The following CEBPA variants were observed in gnomAD, a reference collection of about 807,000 sequenced individuals.
CEBPA encodes CCAAT enhancer binding protein alpha.
CEBPA carries 2 observed loss-of-function variants against 5.1 expected under a neutral mutation model. The observed-to-expected ratio is 0.39, with a 90% CI of 0.16 to 1.23. The LOEUF (loss-of-function observed/expected upper bound fraction) is 1.23. Among genes scored for constraint, CEBPA ranks in the 50% most tolerant of loss-of-function variants. CEBPA has a pLI of 0.34. For synonymous variants in CEBPA, 275 were observed against 264.1 expected, an observed-to-expected ratio of 1.04 and a Z score of -0.40; for missense variants, 455 against 537.4, an observed-to-expected ratio of 0.85 and a Z score of 1.52.
In CEBPA at chr19:33,300,816, C is replaced by T. The variant is rs1037748421; in HGVS notation, c.*522G>A. 8.2e-6 allele frequency: 2 copies of T among 244,266 alleles called. No individual in the cohort carries two copies. Among genetic ancestry groups the T allele is most frequent in the Non-Finnish European group, 1.6e-5 (2 of 123,418 alleles). The allele number at this position is 244,266 out of a possible 1,614,324, so 15.1% of individuals were successfully genotyped here. A position where few individuals can be genotyped will look rare whatever the true frequency, so the allele number is the denominator to read the frequency against. ...AACCTTAGGTTCCAAGCCCCAAGTC[C>T]CTATGTTTCCACCCCTTTCTAAGGA... is the stretch of plus-strand genomic sequence containing the variant. On this transcript the variant is annotated 3_prime_UTR_variant, in exon 1 of 1. Transcript: ENST00000498907.
At position 33,301,994 on chromosome 19, in the gene CEBPA, C is replaced by T. The variant is rs1408671093; in HGVS notation, c.421G>A (p.Gly141Ser). 2.5e-6 allele frequency: 3 copies of T among 1,191,248 alleles called. No homozygotes were observed. The highest frequency in any genetic ancestry group is 3.1e-6 in the Non-Finnish European group (3 of 960,410). The allele number at this position is 1,191,248 out of a possible 1,614,324, so 73.8% of individuals were successfully genotyped here. ...CGCTCGTACAGGGGCTCCAGCCTGC[C>T]GTCCAGGTAGCCGGCGGCCGCGCAG... Reference protein sequence around the residue: ...YGCAAAGYLDGRLEPLYERVG... With the variant: ...YGCAAAGYLDSRLEPLYERVG... Residue 141 changes from glycine (G) to serine (S), a missense_variant, in exon 1 of 1, where the codon GGC (glycine) becomes AGC (serine). Transcript: ENST00000498907. This position sits in a 1 kb window ranked among gnomAD's most constrained non-coding sequence, Gnocchi z 6.0.
Position 33,301,525 on chromosome 19 carries a change from C to T in CEBPA, c.890G>A (p.Arg297His), listed in dbSNP as rs1600021258. The T allele has an allele frequency of 1.2e-6, 2 of 1,613,492 alleles. No individual in the cohort carries two copies. Among genetic ancestry groups the T allele is most frequent in the East Asian group, 2.2e-5 (1 of 44,858 alleles). ...VRRERNNIAV[R>H]KSRDKAKQRN... ...CTGCTTGGCCTTGTCGCGGCTCTTG[C>T]GCACCGCGATGTTGTTGCGCTCGCG... The change falls in exon 1 of 1, where the codon CGC becomes CAC. Residue 297 changes from arginine (R) to histidine (H), a missense_variant. Transcript: ENST00000498907. This position sits in a 1 kb window ranked among gnomAD's most constrained non-coding sequence, Gnocchi z 6.0.
At position 33,300,656 on chromosome 19, in the gene CEBPA, G is replaced by C. The variant is rs1600019152; in HGVS notation, c.*682C>G. The C allele has an allele frequency of 4.3e-6, 1 of 233,514 alleles. No homozygotes were observed. Among genetic ancestry groups the C allele is most frequent in the Admixed American group, 5.6e-5 (1 of 17,794 alleles). The allele number at this position is 233,514 out of a possible 1,614,324, so 14.5% of individuals were successfully genotyped here. A position where few individuals can be genotyped will look rare whatever the true frequency, so the allele number is the denominator to read the frequency against. ...GGGTGGGGGCTCCCACTGGTCACCT[G>C]GTGACCCCCATCGCAGTGAGTTCCG... On this transcript the variant is annotated 3_prime_UTR_variant, in exon 1 of 1. Transcript: ENST00000498907.
In CEBPA at chr19:33,302,033, G is replaced by A. The variant is rs1362518517; in HGVS notation, c.382C>T (p.Pro128Ser). The A allele has an allele frequency of 5.9e-6, 7 of 1,184,892 alleles. No individual in the cohort carries two copies. The highest frequency in any genetic ancestry group is 7.3e-6 in the Non-Finnish European group (7 of 955,654). 73.4% of individuals were successfully genotyped at this position (1,184,892 alleles called of 1,614,324 possible). Reference sequence around the variant, plus strand: ...GCGGCCGCGCAGCCGTAGCCGGGCGGGGGCCCGTGCGCTCCCCCGGGCATG... The same window carrying A: ...GCGGCCGCGCAGCCGTAGCCGGGCGAGGGCCCGTGCGCTCCCCCGGGCATG... ...AVMPGGAHGPPPGYGCAAAGY... is the reference protein window; with the variant it reads ...AVMPGGAHGPSPGYGCAAAGY... Residue 128 changes from proline to serine, a missense_variant, in exon 1 of 1, where the codon CCG (proline) becomes TCG (serine). Coordinates refer to ENST00000498907, the MANE Select transcript of CEBPA (RefSeq NM_004364.5).
At position 33,301,506 on chromosome 19, in the gene CEBPA, G is replaced by A. The variant is rs371444741; in HGVS notation, c.909C>T (p.Ala303=). ...GCTGCGTCTCCACGTTGCGCTGCTT[G>A]GCCTTGTCGCGGCTCTTGCGCACCG... ...NIAVRKSRDK[A]KQRNVETQQK... The change falls in exon 1 of 1, where the codon GCC becomes GCT. Residue 303 remains alanine, a synonymous_variant. Transcript: ENST00000498907. This position sits in a 1 kb window ranked among gnomAD's most constrained non-coding sequence, Gnocchi z 6.0. The A allele has an allele frequency of 3.1e-6, 5 of 1,613,652 alleles. No individual in the cohort carries two copies. In the African/African-American group the frequency reaches 6.7e-5, roughly 21 times the overall value.
At position 33,301,548 on chromosome 19, in the gene CEBPA, G is replaced by A. The variant is rs1285276568; in HGVS notation, c.867C>T (p.Arg289=). The A allele has an allele frequency of 6.2e-7, 1 of 1,613,242 alleles. No homozygotes were observed. Among genetic ancestry groups the A allele is most frequent in the Admixed American group, 1.7e-5 (1 of 60,014 alleles). Reference sequence around the variant, plus strand: ...TGCGCACCGCGATGTTGTTGCGCTCGCGCCGCACCCGGTACTCGTTGCTGT... The same window carrying A: ...TGCGCACCGCGATGTTGTTGCGCTCACGCCGCACCCGGTACTCGTTGCTGT... ...DKNSNEYRVR[R]ERNNIAVRKS... Residue 289 remains arginine, a synonymous_variant, in exon 1 of 1, where the codon CGC becomes CGT. Coordinates refer to ENST00000498907, the MANE Select transcript of CEBPA (RefSeq NM_004364.5). The surrounding 1 kb of genome is among the most constrained non-coding windows in gnomAD (Gnocchi z 6.0).
Position 33,301,473 on chromosome 19 carries a change from C to A in CEBPA, c.942G>T (p.Val314=), listed in dbSNP as rs377329266. Reference sequence around the variant, plus strand: ...GGTCATTGTCACTGGTCAGCTCCAGCACCTTCTGCTGCGTCTCCACGTTGC... The same window carrying A: ...GGTCATTGTCACTGGTCAGCTCCAGAACCTTCTGCTGCGTCTCCACGTTGC... ...KQRNVETQQK[V]LELTSDNDRL... The change falls in exon 1 of 1, where the codon GTG becomes GTT. Residue 314 remains valine, a synonymous_variant. Coordinates refer to ENST00000498907, the MANE Select transcript of CEBPA (RefSeq NM_004364.5). This position sits in a 1 kb window ranked among gnomAD's most constrained non-coding sequence, Gnocchi z 6.0. 1.9e-5 allele frequency: 30 copies of A among 1,613,418 alleles called. No individual in the cohort carries two copies. The African/African-American group carries it at 3.5e-4, about 19-fold the overall frequency.
In CEBPA at chr19:33,301,174, G is replaced by T; in HGVS notation, c.*164C>A. On this transcript the variant is annotated 3_prime_UTR_variant, in exon 1 of 1. Coordinates refer to ENST00000498907, the MANE Select transcript of CEBPA (RefSeq NM_004364.5). The surrounding 1 kb of genome is among the most constrained non-coding windows in gnomAD (Gnocchi z 6.0). ...TCTTAGACGCACCAAGTCCGGCGCA[G>T]AGGAAGGGAGGGGACACGCGGAGCA... 1 of 1,230,860 alleles carries T rather than the reference G, an allele frequency of 8.1e-7. No homozygotes were observed. Among genetic ancestry groups the T allele is most frequent in the Non-Finnish European group, 1.1e-6 (1 of 912,908 alleles). The allele number at this position is 1,230,860 out of a possible 1,614,324, so 76.2% of individuals were successfully genotyped here.
chr19:33,300,098 T>G lies in CEBPA; in HGVS notation c.*1240A>C, dbSNP rs780450509. Reference sequence around the variant, plus strand: ...CTTCCCGACCAGGAGCCAGGGCCTCTGGGGGACAAGCCTTGTGGGCAGCCC... The same window carrying G: ...CTTCCCGACCAGGAGCCAGGGCCTCGGGGGGACAAGCCTTGTGGGCAGCCC... On this transcript the variant is annotated 3_prime_UTR_variant, in exon 1 of 1. Coordinates refer to ENST00000498907, the MANE Select transcript of CEBPA (RefSeq NM_004364.5). 2.6e-5 allele frequency: 6 copies of G among 233,230 alleles called. No homozygotes were observed. Among genetic ancestry groups the G allele is most frequent in the Non-Finnish European group, 5.1e-5 (6 of 118,070 alleles). The allele number at this position is 233,230 out of a possible 1,614,324, so 14.4% of individuals were successfully genotyped here.
In CEBPA at chr19:33,300,221, G is replaced by A. The variant is rs12691; in HGVS notation, c.*1117C>T. 0.15 allele frequency: 34,144 copies of A among 233,458 alleles called. 3,048 individuals are homozygous for A. Among genetic ancestry groups the A allele is most frequent in the African/African-American group, 0.25 (11,537 of 45,374 alleles). The allele number at this position is 233,458 out of a possible 1,614,324, so 14.5% of individuals were successfully genotyped here. A position where few individuals can be genotyped will look rare whatever the true frequency, so the allele number is the denominator to read the frequency against. ...AGTAATCCCAAAACCAAAAGGAAAG[G>A]GAGTCTCAGACCCTTCCCCCAGCTG... is the stretch of plus-strand genomic sequence containing the variant. On this transcript the variant is annotated 3_prime_UTR_variant, in exon 1 of 1. Coordinates refer to ENST00000498907, the MANE Select transcript of CEBPA (RefSeq NM_004364.5).
chr19:33,302,471 G>C lies in CEBPA; in HGVS notation c.-57C>G, dbSNP rs949476637. 2.2e-5 allele frequency: 25 copies of C among 1,151,532 alleles called. No homozygotes were observed. The African/African-American group carries it at 3.2e-4, about 15-fold the overall frequency. The allele number at this position is 1,151,532 out of a possible 1,614,324, so 71.3% of individuals were successfully genotyped here. A position where few individuals can be genotyped will look rare whatever the true frequency, so the allele number is the denominator to read the frequency against. On this transcript the variant is annotated 5_prime_UTR_variant, in exon 1 of 1. Coordinates refer to ENST00000498907, the MANE Select transcript of CEBPA (RefSeq NM_004364.5). ...CCTCGGCGGCCTCCAGCCTGCGCGG[G>C]GCGTCGCCGCCGCCCACCCGGAGAC...
In CEBPA at chr19:33,302,291, G is replaced by A. The variant is rs1382321984; in HGVS notation, c.124C>T (p.Pro42Ser). 9 of 1,471,106 alleles carry A rather than the reference G, an allele frequency of 6.1e-6. No individual in the cohort carries two copies. The highest frequency in any genetic ancestry group is 8.1e-6 in the Non-Finnish European group (9 of 1,106,828). 91.1% of individuals were successfully genotyped at this position (1,471,106 alleles called of 1,614,324 possible). A position where few individuals can be genotyped will look rare whatever the true frequency, so the allele number is the denominator to read the frequency against. ...GFPRGAGPAQ[P>S]PAPPAAPEPL... ...TCCGGGGCGGCAGGTGGGGCGGGAG[G>A]CTGCGCGGGGCCCGCGCCCCGGGGA... The change falls in exon 1 of 1, where the codon CCT (proline) becomes TCT (serine). Residue 42 changes from proline to serine, a missense_variant. Transcript: ENST00000498907.
Position 33,301,156 on chromosome 19 carries a change from C to G in CEBPA, c.*182G>C, listed in dbSNP as rs1029737765. ...CACCGCCTGGCCCCCTCATCTTAGACGCACCAAGTCCGGCGCAGAGGAAGG... is the reference window on the plus strand; with the variant it reads ...CACCGCCTGGCCCCCTCATCTTAGAGGCACCAAGTCCGGCGCAGAGGAAGG... On this transcript the variant is annotated 3_prime_UTR_variant, in exon 1 of 1. Transcript: ENST00000498907. This position sits in a 1 kb window ranked among gnomAD's most constrained non-coding sequence, Gnocchi z 6.0. 1.0e-5 allele frequency: 11 copies of G among 1,075,388 alleles called. No homozygotes were observed. The highest frequency in any genetic ancestry group is 1.4e-5 in the Non-Finnish European group (11 of 771,820). The allele number at this position is 1,075,388 out of a possible 1,614,324, so 66.6% of individuals were successfully genotyped here. A position where few individuals can be genotyped will look rare whatever the true frequency, so the allele number is the denominator to read the frequency against.
Position 33,300,416 on chromosome 19 carries a change from G to A in CEBPA, c.*922C>T. ...ATCGGCTGATAAAGCAAAATATTTG[G>A]AAAGCTTGTCATAACTCCGGTCCCT... is the stretch of plus-strand genomic sequence containing the variant. On this transcript the variant is annotated 3_prime_UTR_variant, in exon 1 of 1. Transcript: ENST00000498907. 4.3e-6 allele frequency: 1 copy of A among 233,294 alleles called. No individual in the cohort carries two copies. The highest frequency in any genetic ancestry group is 8.5e-6 in the Non-Finnish European group (1 of 117,962). 14.5% of individuals were successfully genotyped at this position (233,294 alleles called of 1,614,324 possible). A position where few individuals can be genotyped will look rare whatever the true frequency, so the allele number is the denominator to read the frequency against.
chr19:33,300,330 C>G lies in CEBPA; in HGVS notation c.*1008G>C, dbSNP rs906813267. The G allele has an allele frequency of 8.6e-6, 2 of 233,670 alleles. No homozygotes were observed. The highest frequency in any genetic ancestry group is 3.6e-4 in the South Asian group (2 of 5,540). The allele number at this position is 233,670 out of a possible 1,614,324, so 14.5% of individuals were successfully genotyped here. The stretch of plus-strand genomic sequence containing the variant: ...AAATAAAATGGTGGTTTAGCAGAGA[C>G]GCGCACATTCACATTGCACAAGGCA... On this transcript the variant is annotated 3_prime_UTR_variant, in exon 1 of 1. Transcript: ENST00000498907.
Position 33,301,248 on chromosome 19 carries a change from G to C in CEBPA, c.*90C>G, listed in dbSNP as rs1177370175. ...GAATCTCCTAGTCCTGGCTCGCACG[G>C]CTCGGGCAAGCCTCGAGATCCGGCG... On this transcript the variant is annotated 3_prime_UTR_variant, in exon 1 of 1. Coordinates refer to ENST00000498907, the MANE Select transcript of CEBPA (RefSeq NM_004364.5). The surrounding 1 kb of genome is among the most constrained non-coding windows in gnomAD (Gnocchi z 6.0). The C allele has an allele frequency of 1.4e-6, 2 of 1,480,730 alleles. No homozygotes were observed. Among genetic ancestry groups the C allele is most frequent in the Non-Finnish European group, 1.8e-6 (2 of 1,118,772 alleles). The allele number at this position is 1,480,730 out of a possible 1,614,324, so 91.7% of individuals were successfully genotyped here.
At position 33,301,125 on chromosome 19, in the gene CEBPA, A is replaced by G; in HGVS notation, c.*213T>C. ...CAAGAATTCTCCCCTCCTCGCAGGG[A>G]GAAGCCACCGCCTGGCCCCCTCATC... is the stretch of plus-strand genomic sequence containing the variant. On this transcript the variant is annotated 3_prime_UTR_variant, in exon 1 of 1. Coordinates refer to ENST00000498907, the MANE Select transcript of CEBPA (RefSeq NM_004364.5). This position sits in a 1 kb window ranked among gnomAD's most constrained non-coding sequence, Gnocchi z 6.0. The G allele has an allele frequency of 1.3e-6, 1 of 774,458 alleles. No individual in the cohort carries two copies. The highest frequency in any genetic ancestry group is 2.0e-6 in the Non-Finnish European group (1 of 499,058). 48.0% of individuals were successfully genotyped at this position (774,458 alleles called of 1,614,324 possible).
chr19:33,301,693 AGCGCGG>A lies in CEBPA; in HGVS notation c.716_721del (p.Pro239_Ala240del). ...AGGGCCCGGCAGGCCGGCGGCACCGAGCGCGGGCGCGGGGTGCGGGCTGGGCACGGG... is the reference window on the plus strand; with the variant it reads ...AGGGCCCGGCAGGCCGGCGGCACCGAGCGCGGGGTGCGGGCTGGGCACGGG... On this transcript the variant is annotated inframe_deletion, in exon 1 of 1. Coordinates refer to ENST00000498907, the MANE Select transcript of CEBPA (RefSeq NM_004364.5). This position sits in a 1 kb window ranked among gnomAD's most constrained non-coding sequence, Gnocchi z 6.0. The A allele has an allele frequency of 1.7e-6, 2 of 1,167,602 alleles. No individual in the cohort carries two copies. The highest frequency in any genetic ancestry group is 2.1e-6 in the Non-Finnish European group (2 of 950,270). 72.3% of individuals were successfully genotyped at this position (1,167,602 alleles called of 1,614,324 possible). A position where few individuals can be genotyped will look rare whatever the true frequency, so the allele number is the denominator to read the frequency against.
chr19:33,302,058 G>T lies in CEBPA; in HGVS notation c.357C>A (p.Val119=). The T allele has an allele frequency of 8.2e-7, 1 of 1,214,700 alleles. No individual in the cohort carries two copies. The highest frequency in any genetic ancestry group is 3.9e-5 in the South Asian group (1 of 25,774). 75.2% of individuals were successfully genotyped at this position (1,214,700 alleles called of 1,614,324 possible). ...PGAPAGPGGA[V]MPGGAHGPPP... ...GGGGCCCGTGCGCTCCCCCGGGCATGACGGCGCCGCCGGGGCCCGCGGGCG... is the reference window on the plus strand; with the variant it reads ...GGGGCCCGTGCGCTCCCCCGGGCATTACGGCGCCGCCGGGGCCCGCGGGCG... Residue 119 remains valine (V), a synonymous_variant, in exon 1 of 1, where the codon GTC becomes GTA. Coordinates refer to ENST00000498907, the MANE Select transcript of CEBPA (RefSeq NM_004364.5).
Sources: gnomAD v4.1 joint callset for allele counts on GRCh38, gnomAD v4.1.1 for gene constraint, Gnocchi (gnomAD v3.1) non-coding constraint, MANE v1.5 for transcripts, NCBI Gene and HGNC (gene_info 2026-07-23, HGNC 2026-07-21) for gene names.